Variants in GYPB observed in about 807,000 individuals in gnomAD.
GYPB encodes the protein glycophorin-B.
Under a neutral mutation model 15.3 loss-of-function variants are expected in GYPB, and 13 were observed. That is an observed-to-expected ratio of 0.85 (90% CI 0.55 to 1.35). The LOEUF is 1.35. Ranked by LOEUF, GYPB falls within the 40% of genes most tolerant of loss-of-function variation. GYPB has a pLI of 0.00. For missense variants in GYPB, 131 were observed against 108.3 expected (o/e 1.21, Z -0.93); for synonymous variants, 38 against 36.9 (o/e 1.03, Z -0.11).
At chr4:143,999,503 A>G in intron 2 of GYPB, 54 bp from the exon 3 acceptor site, 1 of 952,156 alleles carries the variant, frequency 1.1e-6, no homozygotes, top group Non-Finnish European at 1.7e-6. Context: ...GTGCAAAGAA[A>G]AAAATCATTT....
At chr4:144,014,905 C>A (rs1218406990) in intron 1 of GYPB, among the ~76,000 whole-genome samples, 2 of 151,396 alleles carry the variant, frequency 1.3e-5, no homozygotes, top group East Asian at 3.9e-4. Flanking sequence ...ATATATGGAA[C>A]CTAACCTGCT....
At position 144,011,282 on chromosome 4, in the gene GYPB, A is replaced by G. The variant is rs186366551; in HGVS notation, c.37+7969T>C. 8.6e-4 allele frequency among the ~76,000 whole-genome samples: 131 copies of G among 151,460 alleles called. 4 individuals carry two copies. The highest frequency in any genetic ancestry group is 3.1e-3 in the African/African-American group (125 of 40,756). On this transcript the variant is annotated intron_variant, in intron 1 of 4. Transcript: ENST00000502664. ...GTATTGTCAGCTACTTGGGAGGCTG[A>G]GGCAGGAGAATTGCTTGAACCCGGG...
intron 1 of GYPB, among the ~76,000 whole-genome samples, chr4:144,017,533 A>G (rs564505291): frequency 1.3e-5 from 2 of 151,104 alleles, no homozygotes; most frequent in African/African-American, 4.9e-5. Flanking sequence ...TGTAGCTTTC[A>G]GGGTCATCTT....
intron 3 of GYPB, among the ~76,000 whole-genome samples, chr4:143,998,999 G>A (rs1032257025): frequency 6.6e-6 from 1 of 151,032 alleles, no homozygotes; most frequent in Non-Finnish European, 1.5e-5. Context: ...CCAGGCTCAG[G>A]CAATGGATCC....
chr4:143,999,958 C>T, intron 2 of GYPB: 1 of 170,426 alleles, frequency 5.9e-6, no homozygotes, highest in Non-Finnish European at 1.2e-5. Context: ...GATTCTATGT[C>T]AGTAGCAATT....
intron 1 of GYPB, among the ~76,000 whole-genome samples, chr4:144,004,656 G>C (rs1285964333): frequency 6.7e-6 from 1 of 149,848 alleles, no homozygotes; most frequent in Admixed American, 6.6e-5. Context: ...ATCCTTAAAT[G>C]CTAAAGCTTC....
intron 1 of GYPB, among the ~76,000 whole-genome samples, chr4:144,005,259 A>C (rs1285909703): frequency 6.6e-6 from 1 of 151,970 alleles, no homozygotes; most frequent in Non-Finnish European, 1.5e-5. Flanking sequence ...AAGCAGCAGA[A>C]CTGAGACTTA....
intron 1 of GYPB, among the ~76,000 whole-genome samples, chr4:144,006,577 A>C (rs1560710176): frequency 6.6e-6 from 1 of 151,996 alleles, no homozygotes; most frequent in Non-Finnish European, 1.5e-5. Flanking sequence ...GTTTTGCTGT[A>C]TGCCAAAACT....
At chr4:144,010,059 C>T (rs1162645201) in intron 1 of GYPB, among the ~76,000 whole-genome samples, 1 of 151,366 alleles carries the variant, frequency 6.6e-6, no homozygotes, top group Non-Finnish European at 1.5e-5. Flanking sequence ...GAAACCCAAT[C>T]ATCAGTGCTA....
chr4:144,011,464 TACAA>T lies in GYPB; in HGVS notation c.37+7783_37+7786del, dbSNP rs955392875. Among the ~76,000 whole-genome samples the T allele has an allele frequency of 5.4e-4, 81 of 151,334 alleles. 4 individuals are homozygous for T. The highest frequency in any genetic ancestry group is 1.9e-3 in the African/African-American group (76 of 40,638). ...AAAGTAGAATTAAGAGAAAAGACAT[TACAA>T]ACAGTGAAAAAGATTTACTTGTGTC... On this transcript the variant is annotated intron_variant, in intron 1 of 4. Transcript: ENST00000502664.
At chr4:143,996,002 T>C (rs1307708279), downstream of GYPB, 1 of 502,430 alleles carries the variant, frequency 2.0e-6, no homozygotes, top group Non-Finnish European at 3.2e-6. Context: ...TCTCCGCTGT[T>C]GGCTTTGTTC....
intron 1 of GYPB, among the ~76,000 whole-genome samples, chr4:144,011,993 T>C (rs564961127): frequency 7.9e-5 from 12 of 152,274 alleles, no homozygotes; most frequent in African/African-American, 2.7e-4. Flanking sequence ...TTTTGGTTTT[T>C]AAAAATATAA....
At chr4:144,015,467 C>T (rs1338889112) in intron 1 of GYPB, among the ~76,000 whole-genome samples, 2 of 151,292 alleles carry the variant, frequency 1.3e-5, no homozygotes, top group East Asian at 3.9e-4. Flanking sequence ...AAAGATATTA[C>T]ATTTGCAGTT....
chr4:144,008,263 A>G, intron 1 of GYPB: 1 of 404,950 alleles, frequency 2.5e-6, no homozygotes, highest in Non-Finnish European at 5.0e-6. Context: ...CAGAAAGAGA[A>G]TGAGGGAATC....
chr4:144,007,030 G>A (rs1266289614), intron 1 of GYPB, among the ~76,000 whole-genome samples: 1 of 150,306 alleles, frequency 6.7e-6, no homozygotes, highest in Non-Finnish European at 1.5e-5. Flanking sequence ...TGAACCAAAG[G>A]ATTGGCACGT....
intron 2 of GYPB, 93 bp downstream of exon 2, chr4:144,001,092 T>C (rs1717167684): frequency 6.2e-7 from 1 of 1,600,082 alleles, no homozygotes; most frequent in African/African-American, 1.4e-5. Context: ...TCAGTGTTTG[T>C]CAGTTTCTCT....
chr4:144,005,979 G>A (rs533109480), intron 1 of GYPB, among the ~76,000 whole-genome samples: 1 of 151,670 alleles, frequency 6.6e-6, no homozygotes, highest in African/African-American at 2.4e-5. Context: ...GCAGGCAAGT[G>A]TTGGCAAATC....
intron 1 of GYPB, 62 bp downstream of exon 1, chr4:144,019,189 A>G: frequency 6.2e-7 from 1 of 1,607,636 alleles, no homozygotes; most frequent in Non-Finnish European, 8.5e-7. Flanking sequence ...AGGGTAGTTC[A>G]TATTTTATTC....
At chr4:144,003,793 A>T (rs1379631633) in intron 1 of GYPB, among the ~76,000 whole-genome samples, 1 of 151,192 alleles carries the variant, frequency 6.6e-6, no homozygotes, top group African/African-American at 2.5e-5. Flanking sequence ...GAAGGCTGAA[A>T]CCCCAGAGAT....
Sources: gnomAD v4.1 joint callset for allele counts (sites outside exome capture counted in the v4.1 genomes callset) on GRCh38, gnomAD v4.1.1 for gene constraint, MANE v1.5 for transcripts, NCBI Gene and HGNC (gene_info 2026-07-23, HGNC 2026-07-21) for gene names.